The following PTPRZ1 variants were observed in gnomAD, a reference collection of about 807,000 sequenced individuals.
The protein encoded by PTPRZ1 is receptor-type tyrosine-protein phosphatase zeta.
A neutral mutation model predicts 214.1 loss-of-function variants in PTPRZ1; 82 were observed. The ratio of observed to expected loss-of-function variants is 0.38; its 90% CI spans 0.32 to 0.46. The LOEUF is 0.46. Among genes scored for constraint, PTPRZ1 ranks in the 20% least tolerant of loss-of-function variants. The pLI, the probability that PTPRZ1 is intolerant of heterozygous loss-of-function variation, is 1.00. For synonymous variants in PTPRZ1, 945 were observed against 987.9 expected (o/e 0.96, Z 0.81); for missense variants, 2,603 against 2,748.7 (o/e 0.95, Z 1.19).
intron 4 of PTPRZ1, among the ~76,000 whole-genome samples, chr7:121,973,384 T>C (rs1797316329): frequency 6.6e-6 from 1 of 152,200 alleles, no homozygotes; most frequent in Non-Finnish European, 1.5e-5. Context: ...TGTTAAGTGG[T>C]ATAACCAGTA....
At chr7:122,013,984 T>C in intron 12 of PTPRZ1, 95 bp downstream of exon 12, 2 of 1,045,574 alleles carry the variant, frequency 1.9e-6, no homozygotes, top group East Asian at 5.1e-5. Context: ...TTTGGTAAAA[T>C]GGTACATCAT....
At chr7:122,034,967 GTCTT>G (rs1799491734) in intron 17 of PTPRZ1, among the ~76,000 whole-genome samples, 1 of 151,602 alleles carries the variant, frequency 6.6e-6, no homozygotes, top group South Asian at 2.1e-4. Context: ...TGAAATTATT[GTCTT>G]TCTTCTGTCT....
intron 1 of PTPRZ1, among the ~76,000 whole-genome samples, chr7:121,927,744 TA>T (rs1403585371): frequency 6.6e-6 from 1 of 152,188 alleles, no homozygotes; most frequent in East Asian, 1.9e-4. Flanking sequence ...CATTTTCAGA[TA>T]AAACTTGGAT....
At chr7:122,009,936 A>G (rs1266160748) in intron 11 of PTPRZ1, among the ~76,000 whole-genome samples, 1 of 152,186 alleles carries the variant, frequency 6.6e-6, no homozygotes, top group South Asian at 2.1e-4. Context: ...TTCATCGCCA[A>G]TTCTTATTAC....
chr7:121,936,017 G>C (rs1167253123), intron 2 of PTPRZ1, among the ~76,000 whole-genome samples: 1 of 152,192 alleles, frequency 6.6e-6, no homozygotes, highest in African/African-American at 2.4e-5. Flanking sequence ...TCACTTAAAT[G>C]TGTTACACTT....
intron 9 of PTPRZ1, among the ~76,000 whole-genome samples, chr7:121,997,652 C>A (rs1798184915): frequency 7.0e-6 from 1 of 143,812 alleles, no homozygotes; most frequent in Non-Finnish European, 1.5e-5. Context: ...GAAACTAAAT[C>A]TGATTTTTAA....
intron 2 of PTPRZ1, among the ~76,000 whole-genome samples, chr7:121,938,569 C>T (rs1183681072): frequency 1.3e-5 from 2 of 152,190 alleles, no homozygotes; most frequent in East Asian, 3.9e-4. Flanking sequence ...GCACCATCTT[C>T]CTCGATGTTT....
chr7:122,038,146 T>C (rs954411130), intron 18 of PTPRZ1, among the ~76,000 whole-genome samples: 2 of 152,130 alleles, frequency 1.3e-5, no homozygotes, highest in African/African-American at 4.8e-5. Flanking sequence ...GATTCCATTA[T>C]TTCCACCTGG....
At chr7:122,008,133 T>G (rs1039728484) in intron 11 of PTPRZ1, among the ~76,000 whole-genome samples, 1 of 152,084 alleles carries the variant, frequency 6.6e-6, no homozygotes, top group African/African-American at 2.4e-5. Flanking sequence ...TTTACATTGC[T>G]TATAGGAGGA....
intron 1 of PTPRZ1, 40 bp downstream of exon 1, chr7:121,873,597 C>A: frequency 6.2e-7 from 1 of 1,607,426 alleles, no homozygotes; most frequent in East Asian, 2.2e-5. Flanking sequence ...GCTCCGGGAT[C>A]GGTGGGATGA....
chr7:122,059,482 T>TTA (rs1792493773), intron 28 of PTPRZ1: 1 of 288,072 alleles, frequency 3.5e-6, no homozygotes, highest in Admixed American at 4.7e-5. Context: ...AGGTTTTTTT[T>TTA]ATTATTGCCA....
At chr7:121,921,308 C>G (rs1019568021) in intron 1 of PTPRZ1, among the ~76,000 whole-genome samples, 1 of 152,084 alleles carries the variant, frequency 6.6e-6, no homozygotes, top group African/African-American at 2.4e-5. Flanking sequence ...TAGAAATTCT[C>G]TCTCTGAAAG....
chr7:121,985,036 C>T (rs1797724487), intron 8 of PTPRZ1, among the ~76,000 whole-genome samples: 1 of 151,988 alleles, frequency 6.6e-6, no homozygotes, highest in Admixed American at 6.6e-5. Flanking sequence ...TAATAATCAT[C>T]TGCTTTTGAA....
intron 1 of PTPRZ1, among the ~76,000 whole-genome samples, chr7:121,922,077 C>T (rs1210356095): frequency 6.6e-6 from 1 of 152,136 alleles, no homozygotes; most frequent in Non-Finnish European, 1.5e-5. Flanking sequence ...TTTGTAGACT[C>T]TGTACTCGTG....
intron 1 of PTPRZ1, among the ~76,000 whole-genome samples, chr7:121,887,471 A>G (rs1430618418): frequency 6.6e-6 from 1 of 152,038 alleles, no homozygotes; most frequent in African/African-American, 2.4e-5. Context: ...TTTTATTTTA[A>G]AAAAAGGTAA....
chr7:121,961,756 T>C (rs1796887100), intron 2 of PTPRZ1, among the ~76,000 whole-genome samples: 1 of 152,226 alleles, frequency 6.6e-6, no homozygotes, highest in Non-Finnish European at 1.5e-5. Context: ...CAATGGCATG[T>C]AGATGAAATA....
At chr7:121,898,107 T>G (rs1193678916) in intron 1 of PTPRZ1, among the ~76,000 whole-genome samples, 1 of 152,026 alleles carries the variant, frequency 6.6e-6, no homozygotes, top group African/African-American at 2.4e-5. Context: ...ATAATGTATA[T>G]AGAGAGCTAT....
At chr7:121,961,745 G>T (rs1345251808) in intron 2 of PTPRZ1, among the ~76,000 whole-genome samples, 1 of 152,202 alleles carries the variant, frequency 6.6e-6, no homozygotes, top group Non-Finnish European at 1.5e-5. Flanking sequence ...TCAGAGTTTG[G>T]CAATGGCATG....
chr7:122,054,806 T>C, intron 26 of PTPRZ1, 135 bp from the exon 27 acceptor site: 1 of 854,264 alleles, frequency 1.2e-6, no homozygotes, highest in Non-Finnish European at 1.7e-6. Context: ...GAGAAAGATG[T>C]TAAGAGTAAA....
Sources: allele counts gnomAD v4.1 joint callset (sites outside exome capture counted in the v4.1 genomes callset), GRCh38; gene constraint gnomAD v4.1.1; transcripts MANE v1.5; gene names NCBI Gene and HGNC (gene_info 2026-07-23, HGNC 2026-07-21).